PHC3: variants seen among roughly 807,000 people sequenced by gnomAD.
PHC3 encodes the protein polyhomeotic-like protein 3.
In PHC3, 13 loss-of-function variants were observed where a neutral mutation model predicts 107.4. That is an observed-to-expected ratio of 0.12 (90% confidence interval 0.08 to 0.19). The LOEUF is 0.19. Ranked by LOEUF, PHC3 falls within the 10% of genes least tolerant of loss-of-function variation. The pLI, the probability that PHC3 is intolerant of heterozygous loss-of-function variation, is 1.00. For synonymous variants in PHC3, 456 were observed against 427.4 expected, an observed-to-expected ratio of 1.07 and a Z score of -0.83; for missense variants, 992 against 1,210.9, an observed-to-expected ratio of 0.82 and a Z score of 2.68.
At chr3:170,118,285 G>A (rs1274217422) in intron 9 of PHC3, among the ~76,000 whole-genome samples, 5 of 152,096 alleles carry the variant, frequency 3.3e-5, no homozygotes, top group African/African-American at 4.8e-5. Flanking sequence ...GGTACATGTC[G>A]CCCAAGCTGG....
intron 4 of PHC3, among the ~76,000 whole-genome samples, chr3:170,151,843 A>G (rs1208262883): frequency 6.6e-6 from 1 of 152,338 alleles, no homozygotes; most frequent in East Asian, 1.9e-4. Flanking sequence ...TCCATAACCC[A>G]GCCCAAGACA....
chr3:170,168,795 AAT>A (rs1184209985), intron 4 of PHC3, among the ~76,000 whole-genome samples: 1 of 151,812 alleles, frequency 6.6e-6, no homozygotes, highest in African/African-American at 2.4e-5. Context: ...CACTACTGAC[AAT>A]AGTGTAGAAT....
At chr3:170,156,979 T>C (rs1346273863) in intron 4 of PHC3, among the ~76,000 whole-genome samples, 1 of 152,210 alleles carries the variant, frequency 6.6e-6, no homozygotes, top group East Asian at 1.9e-4. Flanking sequence ...CTTTCTGCAA[T>C]ACAAGCTGGT....
intron 7 of PHC3, among the ~76,000 whole-genome samples, chr3:170,135,421 G>A (rs137952240): frequency 0.038 from 5,811 of 151,382 alleles, 365 homozygotes; most frequent in African/African-American, 0.13. Context: ...AAAGTGCTGG[G>A]ATTACAGGCG....
chr3:170,134,482 G>A (rs532289871), intron 7 of PHC3, among the ~76,000 whole-genome samples: 11 of 152,026 alleles, frequency 7.2e-5, no homozygotes, highest in East Asian at 1.9e-4. Context: ...GAGCTACCGC[G>A]CCCAGCTTGA....
chr3:170,123,701 G>T (rs1335097970), intron 8 of PHC3, among the ~76,000 whole-genome samples: 1 of 151,600 alleles, frequency 6.6e-6, no homozygotes, highest in Non-Finnish European at 1.5e-5. Context: ...GCTGAATCAA[G>T]AACATCACTT....
chr3:170,138,014 C>T (rs78263922), intron 6 of PHC3, among the ~76,000 whole-genome samples: 42 of 151,952 alleles, frequency 2.8e-4, no homozygotes, highest in African/African-American at 9.9e-4. Flanking sequence ...CTCACCAACA[C>T]GGCAAACCTG....
chr3:170,170,129 T>C (rs1483011955), intron 4 of PHC3: 1 of 152,046 alleles, frequency 6.6e-6, no homozygotes. Flanking sequence ...AGCATGTAGT[T>C]AGCAAAGACC....
chr3:170,092,832 G>C lies in PHC3; in HGVS notation c.*4398C>G, dbSNP rs944068849. The C allele has an allele frequency of 6.6e-6, 1 of 152,160 alleles. No individual in the cohort carries two copies. Among genetic ancestry groups the C allele is most frequent in the African/African-American group, 2.4e-5 (1 of 41,422 alleles). 9.4% of individuals were successfully genotyped at this position (152,160 alleles called of 1,614,324 possible). A position where few individuals can be genotyped will look rare whatever the true frequency, so the allele number is the denominator to read the frequency against. On this transcript the variant is annotated 3_prime_UTR_variant, in exon 15 of 15. Coordinates refer to ENST00000495893, the MANE Select transcript of PHC3 (RefSeq NM_024947.4). ...GAACTATTAATATCCATGCTCCCAA[G>C]CATGGAGACAGTGGGTATAGAGAGT...
At chr3:170,131,538 A>G (rs2108481936) in intron 7 of PHC3, among the ~76,000 whole-genome samples, 1 of 152,342 alleles carries the variant, frequency 6.6e-6, no homozygotes, top group South Asian at 2.1e-4. Context: ...GTATGGTACT[A>G]GAATAACAAT....
chr3:170,115,877 T>TCACACTCA (rs1553782585), intron 10 of PHC3, among the ~76,000 whole-genome samples: 1 of 148,458 alleles, frequency 6.7e-6, no homozygotes, highest in Non-Finnish European at 1.5e-5. Flanking sequence ...TCCAAGTTTC[T>TCACACTCA]CACACACACA....
chr3:170,135,740 T>G (rs1722969535), intron 7 of PHC3, among the ~76,000 whole-genome samples: 2 of 151,396 alleles, frequency 1.3e-5, no homozygotes, highest in African/African-American at 4.9e-5. Flanking sequence ...TACATGTAAC[T>G]CTTTATCTTA....
chr3:170,125,295 G>C (rs976293012), intron 8 of PHC3, among the ~76,000 whole-genome samples: 1 of 152,112 alleles, frequency 6.6e-6, no homozygotes, highest in East Asian at 1.9e-4. Flanking sequence ...AAAGTGTCTG[G>C]GGGGTTAAGA....
intron 5 of PHC3, among the ~76,000 whole-genome samples, chr3:170,146,866 A>G (rs1003357037): frequency 2.5e-4 from 33 of 134,006 alleles, no homozygotes; most frequent in Non-Finnish European, 4.1e-4. Context: ...ACTGCCATTA[A>G]TCTATTTTTT....
rs1009854021 is a variant in PHC3, at chr3:170,093,739, T to C, written c.*3491A>G. On this transcript the variant is annotated 3_prime_UTR_variant, in exon 15 of 15. Coordinates refer to ENST00000495893, the MANE Select transcript of PHC3 (RefSeq NM_024947.4). Reference sequence around the variant, plus strand: ...TCAATCTAAGACTTGTATTTGTGAATAGATGTCTCATTATAATTTTATACT... The same window carrying C: ...TCAATCTAAGACTTGTATTTGTGAACAGATGTCTCATTATAATTTTATACT... The C allele has an allele frequency of 4.6e-5, 7 of 152,204 alleles. No individual in the cohort carries two copies. The highest frequency in any genetic ancestry group is 3.9e-4 in the Admixed American group (6 of 15,270). 9.4% of individuals were successfully genotyped at this position (152,204 alleles called of 1,614,324 possible).
chr3:170,171,020 A>G (rs1729501434), intron 4 of PHC3: 1 of 278,240 alleles, frequency 3.6e-6, no homozygotes, highest in Non-Finnish European at 6.6e-6. Context: ...GATGTCTACC[A>G]AGGACATGAC....
chr3:170,144,028 C>A (rs965406535), intron 6 of PHC3, among the ~76,000 whole-genome samples: 1 of 151,854 alleles, frequency 6.6e-6, no homozygotes, highest in African/African-American at 2.4e-5. Flanking sequence ...CAGTATTCCA[C>A]TGTAAGAATA....
intron 11 of PHC3, 46 bp downstream of exon 11, chr3:170,113,314 A>G (rs1190076327): frequency 8.4e-6 from 13 of 1,540,744 alleles, no homozygotes; most frequent in Non-Finnish European, 1.1e-5. Context: ...TTAAGCAGTA[A>G]AAGTCAAAGT....
Position 170,097,390 on chromosome 3 carries a change from A to C in PHC3, c.2834-6T>G. Reference sequence around the variant, plus strand: ...ATCTGCGATATCCTGGCAGCCTGGAATTTGACCAGAGGACAGAAGTTAGAA... The same window carrying C: ...ATCTGCGATATCCTGGCAGCCTGGACTTTGACCAGAGGACAGAAGTTAGAA... On this transcript the variant is annotated splice_polypyrimidine_tract_variant and splice_region_variant and intron_variant, in intron 14 of 14. Transcript: ENST00000495893. The surrounding 1 kb of genome is among the most constrained non-coding windows in gnomAD (Gnocchi z 4.1). 6.2e-7 allele frequency: 1 copy of C among 1,611,904 alleles called. No individual in the cohort carries two copies. The highest frequency in any genetic ancestry group is 8.5e-7 in the Non-Finnish European group (1 of 1,178,616).
Sources: gnomAD v4.1 joint callset for allele counts (sites outside exome capture counted in the v4.1 genomes callset) on GRCh38, gnomAD v4.1.1 for gene constraint, Gnocchi (gnomAD v3.1) non-coding constraint, MANE v1.5 for transcripts, NCBI Gene and HGNC (gene_info 2026-07-23, HGNC 2026-07-21) for gene names.